Variants in PRMT3 observed in about 807,000 individuals in gnomAD.
PRMT3 encodes the protein protein arginine N-methyltransferase 3.
Under a neutral mutation model 71.9 loss-of-function variants are expected in PRMT3, and 62 were observed. The observed-to-expected ratio is 0.86, with a 90% CI of 0.70 to 1.07. The LOEUF is 1.07. Ranked by LOEUF, PRMT3 falls within the 50% of genes least tolerant of loss-of-function variation. The probability of loss-of-function intolerance (pLI) is 0.00; values close to 1 mark genes in which losing one functional copy is unlikely to be tolerated. For synonymous variants in PRMT3, 213 were observed against 220.4 expected (o/e 0.97, Z 0.30); for missense variants, 663 against 643.0 (o/e 1.03, Z -0.34).
Position 20,426,811 on chromosome 11 carries a change from T to C in PRMT3, c.939T>C (p.Ile313=), listed in dbSNP as rs1184118864. ...CTATTACACTAATTAAAGGAAAGAT[T>C]GAAGAAGTTCATCTTCCTGTAGAAA... ...EDTITLIKGK[I]EEVHLPVEKV... Residue 313 remains isoleucine, a synonymous_variant, in exon 10 of 16, where the codon ATT becomes ATC. Transcript: ENST00000331079. 5.2e-6 allele frequency: 8 copies of C among 1,526,372 alleles called. No homozygotes were observed. In the African/African-American group the frequency reaches 8.7e-5, roughly 17 times the overall value. 94.6% of individuals were successfully genotyped at this position (1,526,372 alleles called of 1,614,324 possible).
At chr11:20,478,477 G>A (rs952261785) in intron 13 of PRMT3, among the ~76,000 whole-genome samples, 4 of 151,200 alleles carry the variant, frequency 2.6e-5, no homozygotes, top group African/African-American at 9.7e-5. Flanking sequence ...GCTGCAGCAA[G>A]CAATGATTGT....
rs1233117702 is a variant in PRMT3, at chr11:20,397,741, G to A, written c.705+20G>A. 2.5e-6 allele frequency: 4 copies of A among 1,611,838 alleles called. No homozygotes were observed. The highest frequency in any genetic ancestry group is 3.4e-5 in the Admixed American group (2 of 59,612). On this transcript the variant is annotated intron_variant, in intron 7 of 15. Coordinates refer to ENST00000331079, the MANE Select transcript of PRMT3 (RefSeq NM_005788.4). ...CTAAAGGTTAGAAAAGAACACAAATGCGTCAAATCCATACTAAAGGAAAAA... is the reference window on the plus strand; with the variant it reads ...CTAAAGGTTAGAAAAGAACACAAATACGTCAAATCCATACTAAAGGAAAAA...
intron 10 of PRMT3, among the ~76,000 whole-genome samples, chr11:20,446,755 A>G (rs1850039383): frequency 6.6e-6 from 1 of 152,174 alleles, no homozygotes; most frequent in Non-Finnish European, 1.5e-5. Flanking sequence ...AAAGATGTCT[A>G]TGTGTATATA....
intron 11 of PRMT3, among the ~76,000 whole-genome samples, chr11:20,453,025 G>C (rs1447003992): frequency 6.6e-6 from 1 of 152,122 alleles, no homozygotes; most frequent in African/African-American, 2.4e-5. Flanking sequence ...CTTTCTCAAA[G>C]CTTCAGAATC....
At chr11:20,432,776 AATTTGTTTGC>A (rs1849682493) in intron 10 of PRMT3, among the ~76,000 whole-genome samples, 1 of 152,060 alleles carries the variant, frequency 6.6e-6, no homozygotes, top group Non-Finnish European at 1.5e-5. Context: ...ATCACATTAT[AATTTGTTTGC>A]ATTTTCCTGA....
In PRMT3 at chr11:20,388,159, G is replaced by C; in HGVS notation, c.164+5G>C. On this transcript the variant is annotated splice_donor_5th_base_variant and intron_variant, in intron 2 of 15. Transcript: ENST00000331079. ...CCCCTGCCTGTTCTGTAACAGGTTC[G>C]TCCGCCTCAGCGCCTGGCCTCTGCC... 1.2e-6 allele frequency: 2 copies of C among 1,613,798 alleles called. No homozygotes were observed. The highest frequency in any genetic ancestry group is 1.7e-6 in the Non-Finnish European group (2 of 1,179,990).
At chr11:20,467,646 A>C (rs1850543569) in intron 13 of PRMT3, among the ~76,000 whole-genome samples, 1 of 152,148 alleles carries the variant, frequency 6.6e-6, no homozygotes, top group South Asian at 2.1e-4. Flanking sequence ...GGCCTCACAG[A>C]TTCATGTGAT....
chr11:20,493,456 C>A (rs147040700), intron 13 of PRMT3, among the ~76,000 whole-genome samples: 8 of 152,364 alleles, frequency 5.3e-5, no homozygotes, highest in African/African-American at 1.9e-4. Context: ...TCCGATTCTG[C>A]AATCCTGACT....
chr11:20,503,523 T>G (rs899983375), intron 15 of PRMT3, among the ~76,000 whole-genome samples: 1 of 152,164 alleles, frequency 6.6e-6, no homozygotes, highest in African/African-American at 2.4e-5. Context: ...CAACCGTGAT[T>G]CCCAGACCAA....
In PRMT3 at chr11:20,393,019, A is replaced by G. The variant is rs180846594; in HGVS notation, c.400+20A>G. 5.0e-5 allele frequency: 73 copies of G among 1,458,326 alleles called. No individual in the cohort carries two copies. The African/African-American group carries it at 8.4e-4, about 17-fold the overall frequency. The allele number at this position is 1,458,326 out of a possible 1,614,324, so 90.3% of individuals were successfully genotyped here. On this transcript the variant is annotated intron_variant, in intron 5 of 15. Coordinates refer to ENST00000331079, the MANE Select transcript of PRMT3 (RefSeq NM_005788.4). ...AATTTGGTAAGATGAACATAAGTGTATCTCCTTTAATTAACATAAGGCCGT... is the reference window on the plus strand; with the variant it reads ...AATTTGGTAAGATGAACATAAGTGTGTCTCCTTTAATTAACATAAGGCCGT...
At chr11:20,498,495 G>A (rs902118445) in intron 15 of PRMT3, among the ~76,000 whole-genome samples, 3 of 152,184 alleles carry the variant, frequency 2.0e-5, no homozygotes, top group Non-Finnish European at 2.9e-5. Context: ...TTGAGAGGCC[G>A]AGGCAGGCAG....
chr11:20,407,770 T>C, intron 8 of PRMT3, 141 bp from the exon 9 acceptor site: 3 of 767,578 alleles, frequency 3.9e-6, no homozygotes, highest in Non-Finnish European at 5.8e-6. Flanking sequence ...ATTACAGGCG[T>C]GAGCCACCGC....
intron 10 of PRMT3, among the ~76,000 whole-genome samples, chr11:20,451,409 G>T (rs1392359628): frequency 6.6e-6 from 1 of 151,904 alleles, no homozygotes; most frequent in African/African-American, 2.4e-5. Context: ...GTGTGCTCAT[G>T]CACATTATGA....
chr11:20,456,809 A>G (rs1379777798), intron 11 of PRMT3, among the ~76,000 whole-genome samples: 1 of 152,188 alleles, frequency 6.6e-6, no homozygotes, highest in Non-Finnish European at 1.5e-5. Flanking sequence ...AATTGGAATG[A>G]TCAGCATTTT....
intron 9 of PRMT3, among the ~76,000 whole-genome samples, chr11:20,419,438 C>T (rs988708493): frequency 6.6e-6 from 1 of 152,198 alleles, no homozygotes; most frequent in African/African-American, 2.4e-5. Context: ...AAAGTCTTCT[C>T]TCATTCGTGT....
chr11:20,440,489 CAA>C lies in PRMT3; in HGVS notation c.994-11621_994-11620del, dbSNP rs55801324. ...TGAAACCCCATCTCTACTAAAAATA[CAA>C]AAAAAAAAAAAAAAAAAAAGAGAAA... On this transcript the variant is annotated intron_variant, in intron 10 of 15. Transcript: ENST00000331079. Among the ~76,000 whole-genome samples, 1,033 of 115,880 alleles carry C rather than the reference CAA, an allele frequency of 8.9e-3. 7 individuals are homozygous for C. Among genetic ancestry groups the C allele is most frequent in the African/African-American group, 0.028 (895 of 32,518 alleles). 76.0% of individuals were successfully genotyped at this position (115,880 alleles called of 152,430 possible).
chr11:20,428,238 A>G (rs1849588230), intron 10 of PRMT3, among the ~76,000 whole-genome samples: 1 of 152,226 alleles, frequency 6.6e-6, no homozygotes. Flanking sequence ...AAAGACTATG[A>G]AAAGATGCTT....
At chr11:20,404,243 T>G (rs1363393461) in intron 8 of PRMT3, among the ~76,000 whole-genome samples, 6 of 70,644 alleles carry the variant, frequency 8.5e-5, no homozygotes, top group East Asian at 3.0e-4. Context: ...TTTTTTTTTT[T>G]TTTTTTTTTG....
chr11:20,408,430 GTTAT>G (rs949401654), intron 9 of PRMT3, among the ~76,000 whole-genome samples: 8 of 152,014 alleles, frequency 5.3e-5, no homozygotes, highest in Non-Finnish European at 1.2e-4. Flanking sequence ...AAGACTAAGA[GTTAT>G]TTGTCTTTTC....
Sources: gnomAD v4.1 joint callset for allele counts (sites outside exome capture counted in the v4.1 genomes callset) on GRCh38, gnomAD v4.1.1 for gene constraint, MANE v1.5 for transcripts, NCBI Gene and HGNC (gene_info 2026-07-23, HGNC 2026-07-21) for gene names.